The following MALRD1 variants were observed in gnomAD, a reference collection of about 807,000 sequenced individuals.
MALRD1 encodes the protein MAM and LDL receptor class A domain containing 1.
Under a neutral mutation model 242.1 loss-of-function variants are expected in MALRD1, and 247 were observed. The ratio of observed to expected loss-of-function variants is 1.02; its 90% CI spans 0.92 to 1.13. MALRD1 has a LOEUF of 1.13. Among genes scored for constraint, MALRD1 ranks in the 50% most tolerant of loss-of-function variants. The pLI is 0.00. For synonymous variants in MALRD1, 995 were observed against 866.6 expected (o/e 1.15, Z -2.60); for missense variants, 2,989 against 2,533.1 (o/e 1.18, Z -3.86).
intron 26 of MALRD1, among the ~76,000 whole-genome samples, chr10:19,384,973 A>G (rs955712603): frequency 2.0e-5 from 3 of 151,648 alleles, no homozygotes; most frequent in Non-Finnish European, 4.4e-5. Flanking sequence ...TTATTATGAA[A>G]TGGTGTTGAA....
chr10:19,548,563 G>A (rs538875645), intron 32 of MALRD1, among the ~76,000 whole-genome samples: 63 of 152,044 alleles, frequency 4.1e-4, no homozygotes, highest in African/African-American at 1.4e-3. Flanking sequence ...CACCGTGCCC[G>A]GCCTCATTAT....
chr10:19,371,632 A>G (rs1257936094), intron 26 of MALRD1, among the ~76,000 whole-genome samples: 1 of 152,162 alleles, frequency 6.6e-6, no homozygotes, highest in Non-Finnish European at 1.5e-5. Context: ...ATATTGCTAG[A>G]TTTTAGCTAA....
intron 33 of MALRD1, among the ~76,000 whole-genome samples, chr10:19,572,660 T>C (rs959622919): frequency 6.6e-6 from 1 of 152,176 alleles, no homozygotes; most frequent in African/African-American, 2.4e-5. Flanking sequence ...ATAGGGCCTT[T>C]GTAGATGTAA....
intron 26 of MALRD1, among the ~76,000 whole-genome samples, chr10:19,361,809 A>G (rs1444537368): frequency 6.6e-6 from 1 of 152,078 alleles, no homozygotes; most frequent in Non-Finnish European, 1.5e-5. Flanking sequence ...TAAAATATTT[A>G]TGGTGATTTA....
intron 28 of MALRD1, among the ~76,000 whole-genome samples, chr10:19,413,890 G>T (rs2130893092): frequency 6.6e-6 from 1 of 151,632 alleles, no homozygotes; most frequent in Non-Finnish European, 1.5e-5. Flanking sequence ...AGCAGAGGTT[G>T]CAGTGAGCCG....
At chr10:19,288,364 G>A (rs906736864) in intron 21 of MALRD1, among the ~76,000 whole-genome samples, 1 of 151,884 alleles carries the variant, frequency 6.6e-6, no homozygotes, top group African/African-American at 2.4e-5. Context: ...TAACAACCCT[G>A]TTGTGTTATT....
intron 33 of MALRD1, among the ~76,000 whole-genome samples, chr10:19,592,919 A>G (rs1271924927): frequency 1.3e-5 from 2 of 152,002 alleles, no homozygotes; most frequent in Non-Finnish European, 2.9e-5. Flanking sequence ...AGTTGGTTCT[A>G]GATTCTCGTT....
chr10:19,137,616 A>C, intron 10 of MALRD1, among the ~76,000 whole-genome samples: 1 of 150,346 alleles, frequency 6.7e-6, no homozygotes, highest in East Asian at 2.0e-4. Flanking sequence ...TGAAAAAAAA[A>C]AAAAAAAAAA....
intron 18 of MALRD1, among the ~76,000 whole-genome samples, chr10:19,223,111 A>G (rs1458809907): frequency 6.6e-6 from 1 of 152,196 alleles, no homozygotes; most frequent in Non-Finnish European, 1.5e-5. Context: ...TGGCATATTG[A>G]CAATTTTAGT....
chr10:19,548,131 C>G (rs79059081), intron 32 of MALRD1, among the ~76,000 whole-genome samples: 1 of 150,334 alleles, frequency 6.7e-6, no homozygotes, highest in Admixed American at 6.7e-5. Context: ...TGCCAAGTAG[C>G]TGGGATTACA....
intron 13 of MALRD1, among the ~76,000 whole-genome samples, chr10:19,174,560 CTT>C (rs1371974231): frequency 6.6e-6 from 1 of 151,730 alleles, no homozygotes; most frequent in Non-Finnish European, 1.5e-5. Flanking sequence ...CTCTCTCTCT[CTT>C]TTTTTCTTCT....
At chr10:19,416,473 A>G (rs1306206307) in intron 28 of MALRD1, among the ~76,000 whole-genome samples, 1 of 152,112 alleles carries the variant, frequency 6.6e-6, no homozygotes, top group African/African-American at 2.4e-5. Flanking sequence ...CTTAATCTTC[A>G]TTGATGTGAG....
At chr10:19,050,540 T>A (rs192954457) in intron 1 of MALRD1, among the ~76,000 whole-genome samples, 14 of 152,220 alleles carry the variant, frequency 9.2e-5, no homozygotes, top group African/African-American at 3.4e-4. Context: ...GAGTGATTAC[T>A]GAAGAACTTT....
intron 28 of MALRD1, among the ~76,000 whole-genome samples, chr10:19,419,053 A>G (rs1174311996): frequency 6.6e-6 from 1 of 152,120 alleles, no homozygotes; most frequent in Non-Finnish European, 1.5e-5. Flanking sequence ...GGATGAACTC[A>G]ACCATTTCAG....
intron 28 of MALRD1, among the ~76,000 whole-genome samples, chr10:19,445,345 C>T (rs1439995388): frequency 6.6e-6 from 1 of 152,204 alleles, no homozygotes; most frequent in African/African-American, 2.4e-5. Context: ...CACCTTTGTT[C>T]CGTTGCTGAC....
chr10:19,184,095 G>T (rs1835637302), intron 14 of MALRD1, among the ~76,000 whole-genome samples: 1 of 152,180 alleles, frequency 6.6e-6, no homozygotes, highest in Non-Finnish European at 1.5e-5. Context: ...ATCACTGTTG[G>T]ATGTAATTTT....
At chr10:19,706,049 A>G (rs1213855232) in intron 38 of MALRD1, among the ~76,000 whole-genome samples, 1 of 152,180 alleles carries the variant, frequency 6.6e-6, no homozygotes. Context: ...GATACTGGAA[A>G]GCCAGCAATT....
intron 22 of MALRD1, 74 bp from the exon 23 acceptor site, chr10:19,327,489 T>A: frequency 1.7e-6 from 2 of 1,169,618 alleles, no homozygotes; most frequent in Non-Finnish European, 1.2e-6. Flanking sequence ...AAAAAATCAC[T>A]GGAAGAATTC....
At chr10:19,586,566 G>A (rs1328701323) in intron 33 of MALRD1, among the ~76,000 whole-genome samples, 2 of 152,194 alleles carry the variant, frequency 1.3e-5, no homozygotes, top group African/African-American at 2.4e-5. Flanking sequence ...ACCCACTTGA[G>A]GAAGCAGTCT....
Sources: gnomAD v4.1 joint callset for allele counts (sites outside exome capture counted in the v4.1 genomes callset) on GRCh38, gnomAD v4.1.1 for gene constraint, MANE v1.5 for transcripts, NCBI Gene and HGNC (gene_info 2026-07-23, HGNC 2026-07-21) for gene names.